Variants in EGFR observed in about 807,000 individuals in gnomAD.
EGFR encodes the protein epidermal growth factor receptor, also known as avian erythroblastic leukemia viral (v-erb-b) oncogene homolog.
Under a neutral mutation model 143.0 loss-of-function variants are expected in EGFR, and 58 were observed. That is an observed-to-expected ratio of 0.41 (90% CI 0.33 to 0.50). The LOEUF (loss-of-function observed/expected upper bound fraction) is 0.50. Among genes scored for constraint, EGFR ranks in the 20% least tolerant of loss-of-function variants. EGFR has a pLI of 0.39. For missense variants in EGFR, 1,307 were observed against 1,579.0 expected, an observed-to-expected ratio of 0.83 and a Z score of 2.92; for synonymous variants, 613 against 594.4, an observed-to-expected ratio of 1.03 and a Z score of -0.45.
chr7:55,063,701 C>G (rs1378342298), intron 1 of EGFR, among the ~76,000 whole-genome samples: 2 of 152,146 alleles, frequency 1.3e-5, no homozygotes, highest in East Asian at 3.8e-4. Flanking sequence ...CTGGTGTCAA[C>G]ACTAGGTCTG....
At chr7:55,123,914 T>G (rs116554127) in intron 1 of EGFR, among the ~76,000 whole-genome samples, 102 of 152,224 alleles carry the variant, frequency 6.7e-4, no homozygotes, top group African/African-American at 2.3e-3. Flanking sequence ...TGTGTGCAAG[T>G]AAGTGTGTAT....
chr7:55,081,445 G>T (rs1790457700), intron 1 of EGFR, among the ~76,000 whole-genome samples: 2 of 152,318 alleles, frequency 1.3e-5, no homozygotes, highest in South Asian at 4.1e-4. Context: ...GAGTGTTGCA[G>T]ACTCCCGACA....
At position 55,143,292 on chromosome 7, in the gene EGFR, T is replaced by C. The variant is rs771489565; in HGVS notation, c.241-13T>C. On this transcript the variant is annotated splice_polypyrimidine_tract_variant and intron_variant, in intron 2 of 27. Coordinates refer to ENST00000275493, the MANE Select transcript of EGFR (RefSeq NM_005228.5). The stretch of plus-strand genomic sequence containing the variant: ...CAAAAGAGAAATCACGCATTTATGT[T>C]TTCTCTTCTTAGACCATCCAGGAGG... The C allele has an allele frequency of 6.2e-7, 1 of 1,614,198 alleles. No homozygotes were observed. The highest frequency in any genetic ancestry group is 2.2e-5 in the East Asian group (1 of 44,888).
chr7:55,037,990 C>A (rs878922262), intron 1 of EGFR, among the ~76,000 whole-genome samples: 1 of 152,140 alleles, frequency 6.6e-6, no homozygotes, highest in Non-Finnish European at 1.5e-5. Context: ...CCCGGTGTTC[C>A]GGCGCCCAGT....
At chr7:55,022,402 A>G (rs141328148) in intron 1 of EGFR, among the ~76,000 whole-genome samples, 38 of 152,246 alleles carry the variant, frequency 2.5e-4, no homozygotes, top group African/African-American at 8.2e-4. Flanking sequence ...CCAAAGTGAG[A>G]TCTACCCCAC....
Position 55,181,418 on chromosome 7 carries a change from GGA to G in EGFR, c.2410_2411del (p.Glu804ThrfsTer92). On this transcript the variant is annotated frameshift_variant, in exon 20 of 28. Transcript: ENST00000275493. LOFTEE classifies it high-confidence loss of function. ...PFGCLLDYVREHKDNIGSQYL... is the reference protein window; with the variant it reads ...PFGCLLDYVRXHKDNIGSQYL... ...TCGGCTGCCTCCTGGACTATGTCCG[GGA>G]ACACAAAGACAATATTGGCTCCCAG... 1 of 1,614,202 alleles carries G rather than the reference GGA, an allele frequency of 6.2e-7. No individual in the cohort carries two copies. Among genetic ancestry groups the G allele is most frequent in the Non-Finnish European group, 8.5e-7 (1 of 1,180,040 alleles).
At chr7:55,083,968 T>G (rs1790617781) in intron 1 of EGFR, among the ~76,000 whole-genome samples, 1 of 152,092 alleles carries the variant, frequency 6.6e-6, no homozygotes, top group Non-Finnish European at 1.5e-5. Flanking sequence ...CCCAAATGAA[T>G]GGAACAAAAT....
intron 14 of EGFR, 98 bp downstream of exon 14, chr7:55,163,921 A>G: frequency 7.2e-7 from 1 of 1,394,938 alleles, no homozygotes; most frequent in Non-Finnish European, 1.0e-6. Context: ...TGTGGGCAGG[A>G]CGGCCATCAG....
chr7:55,087,030 A>T (rs1790804572), intron 1 of EGFR, among the ~76,000 whole-genome samples: 1 of 152,114 alleles, frequency 6.6e-6, no homozygotes, highest in Non-Finnish European at 1.5e-5. Context: ...ATGGCCCATT[A>T]TCTACTGGTC....
chr7:55,203,035 TA>T (rs931171543), intron 27 of EGFR: 3 of 355,258 alleles, frequency 8.4e-6, no homozygotes, highest in African/African-American at 6.3e-5. Flanking sequence ...TTTAACTAAT[TA>T]AATATTAGTT....
rs1787457693 is a variant in EGFR, at chr7:55,192,788, T to C, written c.2648T>C (p.Leu883Ser). 7 of 1,614,052 alleles carry C rather than the reference T, an allele frequency of 4.3e-6. No homozygotes were observed. The highest frequency in any genetic ancestry group is 2.2e-5 in the East Asian group (1 of 44,904). Residue 883 changes from leucine to serine, a missense_variant, in exon 22 of 28, where the codon TTG (leucine) becomes TCG (serine). Around this residue, in one of 7 missense-constraint regions of EGFR, gnomAD observed 348 missense variants for 451.5 expected, o/e 0.77. Coordinates refer to ENST00000275493, the MANE Select transcript of EGFR (RefSeq NM_005228.5). ...GGKVPIKWMA[L>S]ESILHRIYTH... Reference sequence around the variant, plus strand: ...AAGGTGCCTATCAAGTGGATGGCATTGGAATCAATTTTACACAGAATCTAT... The same window carrying C: ...AAGGTGCCTATCAAGTGGATGGCATCGGAATCAATTTTACACAGAATCTAT...
At chr7:55,125,198 T>C (rs1374803764) in intron 1 of EGFR, among the ~76,000 whole-genome samples, 4 of 152,224 alleles carry the variant, frequency 2.6e-5, no homozygotes, top group Non-Finnish European at 5.9e-5. Context: ...TGGGCCCTTC[T>C]CCACATGGCA....
At chr7:55,068,319 T>C (rs1202067906) in intron 1 of EGFR, among the ~76,000 whole-genome samples, 1 of 152,184 alleles carries the variant, frequency 6.6e-6, no homozygotes, top group Non-Finnish European at 1.5e-5. Flanking sequence ...TTTCTGAAAA[T>C]AGAGAATACA....
chr7:55,200,477 T>C (rs2128970165), intron 24 of EGFR, 64 bp downstream of exon 24: 1 of 1,504,130 alleles, frequency 6.6e-7, no homozygotes, highest in Non-Finnish European at 9.3e-7. Context: ...CATGTCACTG[T>C]GTTCTGTCAC....
At chr7:55,163,425 A>T (rs543639488) in intron 13 of EGFR, among the ~76,000 whole-genome samples, 2 of 152,312 alleles carry the variant, frequency 1.3e-5, no homozygotes, top group East Asian at 3.9e-4. Flanking sequence ...CTGGTATTAG[A>T]GGCAGGGAAC....
intron 12 of EGFR, 118 bp downstream of exon 12, chr7:55,160,456 A>C: frequency 9.1e-7 from 1 of 1,104,488 alleles, no homozygotes; most frequent in Admixed American, 2.6e-5. Flanking sequence ...CTTAAGAAGC[A>C]AATTAAAATC....
intron 1 of EGFR, among the ~76,000 whole-genome samples, chr7:55,044,646 T>A (rs1286588578): frequency 6.6e-6 from 1 of 152,216 alleles, no homozygotes; most frequent in Non-Finnish European, 1.5e-5. Context: ...AAGGGTCTTG[T>A]TGGAACTGAA....
intron 1 of EGFR, among the ~76,000 whole-genome samples, chr7:55,095,326 T>C (rs1439331848): frequency 1.3e-5 from 2 of 152,226 alleles, no homozygotes; most frequent in Non-Finnish European, 2.9e-5. Flanking sequence ...TACTGGACTG[T>C]TGTGAGGATT....
In EGFR at chr7:55,021,524, T is replaced by C. The variant is rs947758275; in HGVS notation, c.88+2159T>C. Among the ~76,000 whole-genome samples the C allele has an allele frequency of 3.9e-5, 6 of 152,206 alleles. No homozygotes were observed. In the South Asian group the frequency reaches 6.2e-4, roughly 16 times the overall value. On this transcript the variant is annotated intron_variant, in intron 1 of 27. Transcript: ENST00000275493. ...CCCGCATTCACTCAAAACAGAATGCTCCTGAAGACAAGAGAGAGAGTAGGA... is the reference window on the plus strand; with the variant it reads ...CCCGCATTCACTCAAAACAGAATGCCCCTGAAGACAAGAGAGAGAGTAGGA...
Sources: gnomAD v4.1 joint callset for allele counts (sites outside exome capture counted in the v4.1 genomes callset) on GRCh38, gnomAD v4.1.1 for gene constraint, gnomAD v4.1.1 regional missense constraint, MANE v1.5 for transcripts, NCBI Gene and HGNC (gene_info 2026-07-23, HGNC 2026-07-21) for gene names.